DACH1: variants seen among roughly 807,000 people sequenced by gnomAD.
DACH1 encodes the protein dachshund family transcription factor 1, also known as dachshund homolog 1.
DACH1 carries 12 observed loss-of-function variants against 54.2 expected under a neutral mutation model. The observed-to-expected ratio is 0.22, with a 90% CI of 0.14 to 0.36. The LOEUF (loss-of-function observed/expected upper bound fraction) is 0.36, where lower values mean the gene tolerates loss of function less well. Among genes scored for constraint, DACH1 ranks in the 10% least tolerant of loss-of-function variants. The pLI is 1.00. For missense variants in DACH1, 805 were observed against 929.8 expected (o/e 0.87, Z 1.75); for synonymous variants, 386 against 366.2 (o/e 1.05, Z -0.62).
intron 1 of DACH1, among the ~76,000 whole-genome samples, chr13:71,745,493 A>G (rs1381442101): frequency 6.6e-6 from 1 of 152,250 alleles, no homozygotes; most frequent in Non-Finnish European, 1.5e-5. Flanking sequence ...GGATGTCTAA[A>G]TTGCAATGGC....
intron 1 of DACH1, among the ~76,000 whole-genome samples, chr13:71,700,587 AGAGAG>A (rs751953002): frequency 7.9e-4 from 24 of 30,326 alleles, no homozygotes; most frequent in Non-Finnish European, 3.0e-3. Flanking sequence ...AAAAAAAAAG[AGAGAG>A]AGAGAGAGAG....
intron 3 of DACH1, among the ~76,000 whole-genome samples, chr13:71,595,524 G>C (rs1212268995): frequency 1.3e-5 from 2 of 152,110 alleles, no homozygotes; most frequent in East Asian, 3.9e-4. Context: ...TGGATCTGTG[G>C]ATATGTTAGA....
chr13:71,490,597 GTTATT>G (rs1878898635), intron 6 of DACH1, among the ~76,000 whole-genome samples: 1 of 152,174 alleles, frequency 6.6e-6, no homozygotes, highest in Admixed American at 6.6e-5. Flanking sequence ...TAGGACTCAT[GTTATT>G]TTTCTTTTTA....
At chr13:71,860,413 T>G (rs1874275256) in intron 1 of DACH1, among the ~76,000 whole-genome samples, 1 of 151,672 alleles carries the variant, frequency 6.6e-6, no homozygotes, top group African/African-American at 2.4e-5. Context: ...TAATATCCAT[T>G]TTTACATTTC....
At chr13:71,628,994 C>A (rs948163562) in intron 3 of DACH1, among the ~76,000 whole-genome samples, 1 of 152,030 alleles carries the variant, frequency 6.6e-6, no homozygotes, top group Non-Finnish European at 1.5e-5. Context: ...ATTTTGAAAA[C>A]AATCCAGATT....
intron 1 of DACH1, among the ~76,000 whole-genome samples, chr13:71,851,368 A>G (rs1873652052): frequency 6.6e-6 from 1 of 152,202 alleles, no homozygotes; most frequent in Non-Finnish European, 1.5e-5. Flanking sequence ...CATTTAGTAT[A>G]TTACATTATA....
intron 9 of DACH1, 138 bp downstream of exon 9, chr13:71,475,568 C>T: frequency 9.4e-7 from 1 of 1,069,226 alleles, no homozygotes; most frequent in Non-Finnish European, 1.3e-6. Flanking sequence ...ACACGTTCTT[C>T]CCACCCTGCT....
intron 10 of DACH1, among the ~76,000 whole-genome samples, chr13:71,462,858 G>C (rs1030018355): frequency 9.1e-5 from 13 of 143,366 alleles, no homozygotes; most frequent in African/African-American, 3.4e-4. Context: ...TCCAGGTCTA[G>C]AATCTATCTA....
intron 10 of DACH1, among the ~76,000 whole-genome samples, chr13:71,442,833 A>T (rs1467909641): frequency 6.6e-6 from 1 of 151,962 alleles, no homozygotes; most frequent in Admixed American, 6.6e-5. Flanking sequence ...ACTCTAATAT[A>T]AGTTATGTAA....
intron 1 of DACH1, among the ~76,000 whole-genome samples, chr13:71,822,174 A>G (rs1888217617): frequency 6.6e-6 from 1 of 152,216 alleles, no homozygotes; most frequent in Non-Finnish European, 1.5e-5. Context: ...AAATGTGCTT[A>G]TGAGTCTTTT....
chr13:71,738,015 G>A (rs1359205502), intron 1 of DACH1, among the ~76,000 whole-genome samples: 2 of 152,128 alleles, frequency 1.3e-5, no homozygotes, highest in African/African-American at 2.4e-5. Context: ...CTTCAGTAAT[G>A]GGACAAATAC....
chr13:71,729,320 C>T lies in DACH1; in HGVS notation c.849-47410G>A, dbSNP rs1185635495. ...CATTTCTGAATGCAATCTATCTAGT[C>T]CACACATATGAGAGAACATTCTGAT... is the stretch of plus-strand genomic sequence containing the variant. On this transcript the variant is annotated intron_variant, in intron 1 of 10. Transcript: ENST00000613252. Among the ~76,000 whole-genome samples, 7 of 151,878 alleles carry T rather than the reference C, an allele frequency of 4.6e-5. No homozygotes were observed. The South Asian group carries it at 1.0e-3, about 22-fold the overall frequency.
At chr13:71,655,380 T>A (rs2138635780) in intron 2 of DACH1, among the ~76,000 whole-genome samples, 1 of 151,944 alleles carries the variant, frequency 6.6e-6, no homozygotes, top group African/African-American at 2.4e-5. Flanking sequence ...TAATTTTTTT[T>A]TTTTTTTGAA....
In DACH1 at chr13:71,866,497, G is replaced by T; in HGVS notation, c.273C>A (p.Asn91Lys). Residue 91 changes from asparagine to lysine, a missense_variant, in exon 1 of 11, where the codon AAC becomes AAA. Physicochemically the swap from Asn to Lys is moderately conservative, Grantham distance 94 (BLOSUM62 0). Coordinates refer to ENST00000613252, the MANE Select transcript of DACH1 (RefSeq NM_080759.6). ...GSGGGGGSSG[N>K]GGGGGGGGGG... ...CGCCGCCGCCGCCACCGCCGCCTCCGTTGCCGCTGCTGCCGCCGCCGCCTC... is the reference window on the plus strand; with the variant it reads ...CGCCGCCGCCGCCACCGCCGCCTCCTTTGCCGCTGCTGCCGCCGCCGCCTC... 8.1e-7 allele frequency: 1 copy of T among 1,234,644 alleles called. No individual in the cohort carries two copies. 76.5% of individuals were successfully genotyped at this position (1,234,644 alleles called of 1,614,324 possible).
chr13:71,464,392 CA>C (rs1876368280), intron 10 of DACH1, among the ~76,000 whole-genome samples: 1 of 151,910 alleles, frequency 6.6e-6, no homozygotes, highest in African/African-American at 2.4e-5. Context: ...GTTTGTTTTT[CA>C]GCTGTTGTAA....
intron 6 of DACH1, among the ~76,000 whole-genome samples, chr13:71,523,506 C>T (rs1881745281): frequency 6.6e-6 from 1 of 152,024 alleles, no homozygotes; most frequent in Non-Finnish European, 1.5e-5. Flanking sequence ...TATATGTAGC[C>T]AAAGTGTTTA....
At chr13:71,798,038 C>T (rs957030169) in intron 1 of DACH1, among the ~76,000 whole-genome samples, 5 of 151,892 alleles carry the variant, frequency 3.3e-5, no homozygotes, top group Admixed American at 1.3e-4. Context: ...GAAATGTAAC[C>T]GTTTAAGGGG....
chr13:71,689,940 T>C (rs1881390009), intron 1 of DACH1, among the ~76,000 whole-genome samples: 1 of 152,178 alleles, frequency 6.6e-6, no homozygotes, highest in African/African-American at 2.4e-5. Context: ...ATCCATTATG[T>C]ATATTAGTTA....
chr13:71,539,641 C>A (rs561357802), intron 6 of DACH1, among the ~76,000 whole-genome samples: 1 of 151,988 alleles, frequency 6.6e-6, no homozygotes, highest in Non-Finnish European at 1.5e-5. Context: ...GTATTTCTGG[C>A]TAATTCTCTT....
Sources: gnomAD v4.1 joint callset for allele counts (sites outside exome capture counted in the v4.1 genomes callset) on GRCh38, gnomAD v4.1.1 for gene constraint, MANE v1.5 for transcripts, NCBI Gene and HGNC (gene_info 2026-07-23, HGNC 2026-07-21) for gene names.